Variants in OCLN observed in about 807,000 individuals in gnomAD.
OCLN encodes the protein phosphatase 1, regulatory subunit 115.
OCLN carries 21 observed loss-of-function variants against 47.9 expected under a neutral mutation model. The observed-to-expected ratio is 0.44, with a 90% CI of 0.31 to 0.63. The LOEUF (loss-of-function observed/expected upper bound fraction) is 0.63, where lower values mean the gene tolerates loss of function less well. Among genes scored for constraint, OCLN ranks in the 30% least tolerant of loss-of-function variants. OCLN has a pLI of 0.08. For synonymous variants in OCLN, 117 were observed against 198.4 expected (o/e 0.59, Z 3.45); for missense variants, 360 against 571.0 (o/e 0.63, Z 3.77).
intron 1 of OCLN, among the ~76,000 whole-genome samples, chr5:69,494,185 TTGTGTGTG>T (rs71787949): frequency 6.6e-6 from 1 of 151,262 alleles, no homozygotes; most frequent in Non-Finnish European, 1.5e-5. Flanking sequence ...TATGAGGTGC[TTGTGTGTG>T]TGTGTGTGTG....
chr5:69,510,802 CTT>C (rs945347313), intron 3 of OCLN, among the ~76,000 whole-genome samples: 35 of 152,294 alleles, frequency 2.3e-4, no homozygotes, highest in African/African-American at 7.7e-4. Context: ...TATGGTGACT[CTT>C]TAATCTTTTG....
chr5:69,499,016 G>T (rs370102179), intron 1 of OCLN, among the ~76,000 whole-genome samples: 2 of 151,984 alleles, frequency 1.3e-5, no homozygotes, highest in Non-Finnish European at 2.9e-5. Flanking sequence ...TTATAATACC[G>T]TATACAATGT....
Position 69,509,347 on chromosome 5 carries a change from C to T in OCLN, c.257C>T (p.Thr86Met), listed in dbSNP as rs757935966. ...GCCATCTTTGCCTGTGTGGCCTCCA[C>T]GCTTGCCTGGGACAGAGGCTATGGA... The part of the protein sequence containing the change: ...CIAIFACVAS[T>M]LAWDRGYGTS... The change falls in exon 3 of 9, where the codon ACG becomes ATG. Residue 86 changes from threonine to methionine, a missense_variant. This residue lies in a region of OCLN where 314 missense variants were observed against 368.1 expected (regional missense o/e 0.85). Coordinates refer to ENST00000396442, the MANE Select transcript of OCLN (RefSeq NM_001205254.2). 62 of 1,614,048 alleles carry T rather than the reference C, an allele frequency of 3.8e-5. No individual in the cohort carries two copies. Among genetic ancestry groups the T allele is most frequent in the Non-Finnish European group, 4.6e-5 (54 of 1,180,016 alleles).
intron 2 of OCLN, among the ~76,000 whole-genome samples, chr5:69,504,628 T>A (rs1202156914): frequency 1.3e-5 from 2 of 152,212 alleles, no homozygotes; most frequent in Middle Eastern, 3.2e-3. Context: ...GGGAACATAT[T>A]GTCAGTTTTT....
chr5:69,554,782 T>A lies in OCLN; in HGVS notation c.*1111T>A, dbSNP rs913876221. On this transcript the variant is annotated 3_prime_UTR_variant, in exon 9 of 9. Transcript: ENST00000396442. ...AAATGGTGCCCTTAAATTGTATCAC[T>A]TTTTTAAAAATTCAGATTCTTATTA... 9 of 151,966 alleles carry A rather than the reference T, an allele frequency of 5.9e-5. No individual in the cohort carries two copies. Among genetic ancestry groups the A allele is most frequent in the African/African-American group, 2.2e-4 (9 of 41,368 alleles). 9.4% of individuals were successfully genotyped at this position (151,966 alleles called of 1,614,324 possible). A position where few individuals can be genotyped will look rare whatever the true frequency, so the allele number is the denominator to read the frequency against.
At position 69,513,926 on chromosome 5, in the gene OCLN, AAT is replaced by A. The variant is rs1768852725; in HGVS notation, c.730-19_730-18del. 6.2e-7 allele frequency: 1 copy of A among 1,601,204 alleles called. No individual in the cohort carries two copies. Among genetic ancestry groups the A allele is most frequent in the African/African-American group, 1.3e-5 (1 of 74,670 alleles). The stretch of plus-strand genomic sequence containing the variant: ...TAAGCAATTAAAATCTAATTATGCC[AAT>A]ATTTTCCACTCCTTTTTAGGCCATT... On this transcript the variant is annotated intron_variant, in intron 3 of 8. Coordinates refer to ENST00000396442, the MANE Select transcript of OCLN (RefSeq NM_001205254.2).
chr5:69,514,169 T>G, intron 4 of OCLN, 60 bp downstream of exon 4: 1 of 1,420,028 alleles, frequency 7.0e-7, no homozygotes, highest in Non-Finnish European at 9.9e-7. Context: ...TGTCTGAATT[T>G]TTAGTGCTTT....
intron 4 of OCLN, among the ~76,000 whole-genome samples, chr5:69,531,158 T>G (rs1769421381): frequency 6.6e-6 from 1 of 152,250 alleles, no homozygotes; most frequent in Admixed American, 6.5e-5. Flanking sequence ...TAGTGGTGGC[T>G]TAAGCCCAGT....
chr5:69,508,649 T>TA (rs1425157030), intron 2 of OCLN, among the ~76,000 whole-genome samples: 3 of 152,130 alleles, frequency 2.0e-5, no homozygotes, highest in Non-Finnish European at 1.5e-5. Flanking sequence ...CCGGACTAGA[T>TA]ACATTTCAAG....
chr5:69,515,559 G>A (rs373061969), intron 4 of OCLN, among the ~76,000 whole-genome samples: 281 of 100,448 alleles, frequency 2.8e-3, no homozygotes, highest in Middle Eastern at 7.9e-3. Context: ...CCTCCCTCCC[G>A]GACGGGGCGG....
chr5:69,504,740 T>C (rs1004124994), intron 2 of OCLN, among the ~76,000 whole-genome samples: 4 of 150,296 alleles, frequency 2.7e-5, no homozygotes, highest in Non-Finnish European at 4.4e-5. Flanking sequence ...ATCGAGACCA[T>C]CCTGGCCAAC....
intron 4 of OCLN, among the ~76,000 whole-genome samples, chr5:69,519,239 C>A (rs945464179): frequency 6.6e-6 from 1 of 152,232 alleles, no homozygotes; most frequent in Non-Finnish European, 1.5e-5. Context: ...TATTATGTTA[C>A]TAAATCTTAC....
intron 4 of OCLN, among the ~76,000 whole-genome samples, chr5:69,517,903 T>A (rs1460152704): frequency 6.6e-6 from 1 of 152,188 alleles, no homozygotes; most frequent in Admixed American, 6.5e-5. Flanking sequence ...TATTATGAGC[T>A]ATGAAGTAAA....
At chr5:69,504,037 C>G in intron 1 of OCLN, 140 bp from the exon 2 acceptor site, 1 of 608,042 alleles carries the variant, frequency 1.6e-6, no homozygotes, top group South Asian at 2.0e-5. Context: ...TAGATCAAGG[C>G]TGCAGTGAGC....
intron 4 of OCLN, among the ~76,000 whole-genome samples, chr5:69,521,046 C>T (rs1769123869): frequency 6.6e-6 from 1 of 151,908 alleles, no homozygotes. Context: ...TGGGGTTTCA[C>T]CACGTTGGTC....
intron 4 of OCLN, among the ~76,000 whole-genome samples, chr5:69,518,781 G>A (rs1158570054): frequency 1.3e-5 from 2 of 152,254 alleles, no homozygotes; most frequent in East Asian, 1.9e-4. Flanking sequence ...TGCACTAAAG[G>A]AGAATTAAAA....
At chr5:69,515,827 G>A (rs1335401223) in intron 4 of OCLN, among the ~76,000 whole-genome samples, 1 of 151,362 alleles carries the variant, frequency 6.6e-6, no homozygotes, top group Non-Finnish European at 1.5e-5. Context: ...CGGGGTCGCG[G>A]CTGGGTAGAG....
At chr5:69,514,224 G>A in intron 4 of OCLN, 115 bp downstream of exon 4, 1 of 954,210 alleles carries the variant, frequency 1.0e-6, no homozygotes, top group Non-Finnish European at 1.6e-6. Context: ...TGTTGCAAAG[G>A]TTGTTGCATT....
chr5:69,529,611 GT>G (rs1195093134), intron 4 of OCLN, among the ~76,000 whole-genome samples: 2 of 151,806 alleles, frequency 1.3e-5, no homozygotes, highest in Non-Finnish European at 2.9e-5. Flanking sequence ...TTACTTTGTT[GT>G]TTTTTTCTTT....
Sources: allele counts gnomAD v4.1 joint callset (sites outside exome capture counted in the v4.1 genomes callset), GRCh38; gene constraint gnomAD v4.1.1; regional missense constraint gnomAD v4.1.1; transcripts MANE v1.5; gene names NCBI Gene and HGNC (gene_info 2026-07-23, HGNC 2026-07-21).